Variants in BTBD9 observed in about 807,000 individuals in gnomAD.
The protein encoded by BTBD9 is BTB domain containing 9.
BTBD9 carries 49 observed loss-of-function variants against 64.3 expected under a neutral mutation model. The observed-to-expected ratio is 0.76, with a 90% CI of 0.61 to 0.97. The LOEUF is 0.97. Among genes scored for constraint, BTBD9 ranks in the 50% least tolerant of loss-of-function variants. BTBD9 has a pLI of 0.00. For missense variants in BTBD9, 598 were observed against 762.1 expected (o/e 0.78, Z 2.53); for synonymous variants, 260 against 274.7 (o/e 0.95, Z 0.53).
intron 6 of BTBD9, among the ~76,000 whole-genome samples, chr6:38,530,763 C>T (rs1773765722): frequency 6.6e-6 from 1 of 151,870 alleles, no homozygotes; most frequent in South Asian, 2.1e-4. Context: ...AGAATTCTAC[C>T]AGATAAATTT....
intron 1 of BTBD9, among the ~76,000 whole-genome samples, chr6:38,621,822 C>T (rs374006927): frequency 1.3e-5 from 2 of 152,176 alleles, no homozygotes; most frequent in Admixed American, 6.5e-5. Context: ...AGGAAACCGT[C>T]GGGCAGATGC....
At position 38,449,079 on chromosome 6, in the gene BTBD9, C is replaced by A. The variant is rs111491228; in HGVS notation, c.1155-103986G>T. Among the ~76,000 whole-genome samples, 801 of 152,210 alleles carry A rather than the reference C, an allele frequency of 5.3e-3. 4 individuals carry two copies. The highest frequency in any genetic ancestry group is 0.018 in the African/African-American group (745 of 41,536). On this transcript the variant is annotated intron_variant, in intron 6 of 10. Transcript: ENST00000481247. ...ACAAAGAAAGAACTCAAAACCAAAA[C>A]AAGAGAGGACCTGCATCTGTTCAGC... is the stretch of plus-strand genomic sequence containing the variant.
At chr6:38,368,711 T>C (rs999276715) in intron 6 of BTBD9, among the ~76,000 whole-genome samples, 1 of 152,086 alleles carries the variant, frequency 6.6e-6, no homozygotes, top group African/African-American at 2.4e-5. Context: ...CTGTCCAAAA[T>C]ATGTACAAAA....
intron 6 of BTBD9, among the ~76,000 whole-genome samples, chr6:38,419,601 T>A (rs768007542): frequency 6.6e-6 from 1 of 152,200 alleles, no homozygotes; most frequent in African/African-American, 2.4e-5. Context: ...CTGGGTGCGG[T>A]GGCTCATGCC....
At chr6:38,188,730 T>TG (rs1343079422) in intron 10 of BTBD9, among the ~76,000 whole-genome samples, 1 of 152,094 alleles carries the variant, frequency 6.6e-6, no homozygotes, top group Non-Finnish European at 1.5e-5. Context: ...GGATTAGAAG[T>TG]GGGGTCTTTG....
intron 9 of BTBD9, among the ~76,000 whole-genome samples, chr6:38,255,851 G>A (rs926389228): frequency 6.6e-6 from 1 of 152,074 alleles, no homozygotes; most frequent in African/African-American, 2.4e-5. Context: ...TCACTCATAG[G>A]TGGGAATTGA....
chr6:38,593,147 A>G (rs945087272), intron 3 of BTBD9, among the ~76,000 whole-genome samples: 2 of 152,230 alleles, frequency 1.3e-5, no homozygotes, highest in African/African-American at 2.4e-5. Context: ...AAAGCTGTCA[A>G]TACATTCAGA....
In BTBD9 at chr6:38,593,976, G is replaced by A; in HGVS notation, c.537C>T (p.Leu179=). Reference sequence around the variant, plus strand: ...ACAAATGACACACCTTAGAAAGGGAGAGGAAACCTTCACTTGAGAGGACTT... The same window carrying A: ...ACAAATGACACACCTTAGAAAGGGAAAGGAAACCTTCACTTGAGAGGACTT... ...AQEVLSSEGF[L]SLSKTALLNI... The change falls in exon 3 of 11, where the codon CTC becomes CTT. Residue 179 remains leucine, a synonymous_variant. Coordinates refer to ENST00000481247, the MANE Select transcript of BTBD9 (RefSeq NM_001099272.2). The A allele has an allele frequency of 6.2e-7, 1 of 1,612,470 alleles. No individual in the cohort carries two copies.
intron 6 of BTBD9, among the ~76,000 whole-genome samples, chr6:38,437,787 G>T (rs567476476): frequency 1.3e-5 from 2 of 151,892 alleles, no homozygotes; most frequent in Non-Finnish European, 2.9e-5. Flanking sequence ...TTTAAGCAGG[G>T]GACAGTGTTC....
chr6:38,195,036 T>C (rs542470237), intron 9 of BTBD9, among the ~76,000 whole-genome samples: 161 of 152,344 alleles, frequency 1.1e-3, no homozygotes, highest in African/African-American at 3.7e-3. Context: ...CAGAGCCGGA[T>C]AGCAATTCTA....
intron 9 of BTBD9, among the ~76,000 whole-genome samples, chr6:38,239,464 A>G (rs1007854463): frequency 6.7e-6 from 1 of 148,622 alleles, no homozygotes; most frequent in Non-Finnish European, 1.5e-5. Context: ...AAAAAAAGAT[A>G]TAATCTCTTA....
rs76701592 is a variant in BTBD9 at position 38,354,501 on chromosome 6, C to T, written c.1155-9408G>A. Among the ~76,000 whole-genome samples, 101 of 152,204 alleles carry T rather than the reference C, an allele frequency of 6.6e-4. 1 individual carries two copies. The East Asian group carries it at 0.018, about 27-fold the overall frequency. On this transcript the variant is annotated intron_variant, in intron 6 of 10. Transcript: ENST00000481247. ...TTCAAAGCTCGACAGAACATATGGT[C>T]CTTGAAGCCTCTGTATTCTCTACAA...
chr6:38,391,862 T>C (rs757949909), intron 6 of BTBD9, among the ~76,000 whole-genome samples: 2 of 152,192 alleles, frequency 1.3e-5, no homozygotes, highest in African/African-American at 2.4e-5. Context: ...CATTAAACAG[T>C]AGCTGATCGA....
chr6:38,178,852 T>G (rs1469618371), intron 10 of BTBD9, among the ~76,000 whole-genome samples: 2 of 150,682 alleles, frequency 1.3e-5, no homozygotes, highest in African/African-American at 4.9e-5. Context: ...GGCTATTTAT[T>G]TATTTATTTA....
In BTBD9 at chr6:38,598,012, G is replaced by A. The variant is rs774736877; in HGVS notation, c.83C>T (p.Ala28Val). The stretch of plus-strand genomic sequence containing the variant: ...GCCATATTCTTCCCCAATCAACAAG[G>A]CACCAATATGTTCAGACAAAATGTG... ...HVHILSEHIG[A>V]LLIGEEYGDV... is the part of the protein sequence containing the mutation. The change falls in exon 2 of 11, where the codon GCC (alanine) becomes GTC (valine). Residue 28 changes from alanine (A) to valine (V), a missense_variant. By Grantham distance (64) the Ala-to-Val change is moderately conservative (BLOSUM62 0). Transcript: ENST00000481247. 26 of 1,613,818 alleles carry A rather than the reference G, an allele frequency of 1.6e-5. No individual in the cohort carries two copies. The highest frequency in any genetic ancestry group is 5.0e-5 in the Admixed American group (3 of 60,004).
At chr6:38,176,900 C>G (rs1761281370) in intron 10 of BTBD9, among the ~76,000 whole-genome samples, 1 of 152,234 alleles carries the variant, frequency 6.6e-6, no homozygotes, top group Admixed American at 6.5e-5. Flanking sequence ...AGGTCAGGCT[C>G]TGCGGGGCCA....
intron 6 of BTBD9, among the ~76,000 whole-genome samples, chr6:38,379,358 CA>C (rs1469292089): frequency 6.6e-6 from 1 of 152,134 alleles, no homozygotes; most frequent in African/African-American, 2.4e-5. Flanking sequence ...CAACTTAATT[CA>C]AAAGACTTGA....
chr6:38,485,419 C>T (rs1273023502), intron 6 of BTBD9, among the ~76,000 whole-genome samples: 1 of 152,210 alleles, frequency 6.6e-6, no homozygotes, highest in East Asian at 1.9e-4. Context: ...TATAGCCTTA[C>T]AAAATGTATT....
At chr6:38,279,286 G>C (rs1761410880) in intron 8 of BTBD9, among the ~76,000 whole-genome samples, 1 of 152,066 alleles carries the variant, frequency 6.6e-6, no homozygotes, top group Non-Finnish European at 1.5e-5. Context: ...TAAAAAGAGA[G>C]ATACACTGAC....
Sources: gnomAD v4.1 joint callset for allele counts (sites outside exome capture counted in the v4.1 genomes callset) on GRCh38, gnomAD v4.1.1 for gene constraint, MANE v1.5 for transcripts, NCBI Gene and HGNC (gene_info 2026-07-23, HGNC 2026-07-21) for gene names.